The following HTRA3 variants were observed in gnomAD, a reference collection of about 807,000 sequenced individuals.
The protein encoded by HTRA3 is HtrA serine peptidase 3.
Under a neutral mutation model 43.2 loss-of-function variants are expected in HTRA3, and 41 were observed. The ratio of observed to expected loss-of-function variants is 0.95; its 90% CI spans 0.74 to 1.23. HTRA3 has a LOEUF of 1.23. HTRA3 is among the 50% of genes most tolerant of loss of function. HTRA3 has a pLI of 0.00. For synonymous variants in HTRA3, 295 were observed against 287.9 expected, an observed-to-expected ratio of 1.02 and a Z score of -0.25; for missense variants, 628 against 647.1, an observed-to-expected ratio of 0.97 and a Z score of 0.32.
Position 8,295,649 on chromosome 4 carries a change from G to A in HTRA3, c.1051+1448G>A. On this transcript the variant is annotated intron_variant, in intron 6 of 8. Transcript: ENST00000307358. The surrounding 1 kb of genome is among the most constrained non-coding windows in gnomAD (Gnocchi z 6.9). Reference sequence around the variant, plus strand: ...CACCTCCTGGCCAACGCCCAGGCCTGACTCAGCAACTCACACTTCCACATT... The same window carrying A: ...CACCTCCTGGCCAACGCCCAGGCCTAACTCAGCAACTCACACTTCCACATT... 1.5e-6 allele frequency: 2 copies of A among 1,371,610 alleles called. No homozygotes were observed. The allele number at this position is 1,371,610 out of a possible 1,614,324, so 85.0% of individuals were successfully genotyped here. A position where few individuals can be genotyped will look rare whatever the true frequency, so the allele number is the denominator to read the frequency against.
intron 1 of HTRA3, among the ~76,000 whole-genome samples, chr4:8,271,960 C>T (rs1028396334): frequency 2.0e-5 from 3 of 152,234 alleles, no homozygotes; most frequent in African/African-American, 2.4e-5. Context: ...TGTGGGGCTG[C>T]GGGGTCTTGG....
rs202091323 is a variant in HTRA3 at position 8,288,878 on chromosome 4, TTTCC to T, written c.708+2108_708+2111del. ...GAGCCACTGCACCCCACCCCCAAAT[TTTCC>T]TTCCTTCCTTCCGTCCGTCCTTCCT... On this transcript the variant is annotated intron_variant, in intron 3 of 8. Transcript: ENST00000307358. Among the ~76,000 whole-genome samples the T allele has an allele frequency of 1.4e-4, 16 of 118,076 alleles. 1 individual carries two copies. Among genetic ancestry groups the T allele is most frequent in the Admixed American group, 8.9e-4 (10 of 11,204 alleles). 77.5% of individuals were successfully genotyped at this position (118,076 alleles called of 152,430 possible).
At chr4:8,272,588 C>T (rs1712331682) in intron 1 of HTRA3, among the ~76,000 whole-genome samples, 1 of 152,230 alleles carries the variant, frequency 6.6e-6, no homozygotes, top group Non-Finnish European at 1.5e-5. Flanking sequence ...ACCCCCAGAC[C>T]ACGTTGTTTC....
chr4:8,282,488 T>A lies in HTRA3; in HGVS notation c.437T>A (p.Val146Glu). 1.2e-6 allele frequency: 2 copies of A among 1,614,128 alleles called. No individual in the cohort carries two copies. Among genetic ancestry groups the A allele is most frequent in the Non-Finnish European group, 1.7e-6 (2 of 1,180,002 alleles). Reference protein sequence around the residue: ...PRYKFNFIADVVEKIAPAVVH... With the variant: ...PRYKFNFIADEVEKIAPAVVH... The stretch of plus-strand genomic sequence containing the variant: ...TACAAGTTCAACTTCATTGCTGACG[T>A]GGTGGAGAAGATCGCACCAGCCGTG... The change falls in exon 2 of 9, where the codon GTG becomes GAG. Residue 146 changes from valine (V) to glutamate (E), a missense_variant. Coordinates refer to ENST00000307358, the MANE Select transcript of HTRA3 (RefSeq NM_053044.5).
At chr4:8,282,223 C>G (rs1712775442) in intron 1 of HTRA3, among the ~76,000 whole-genome samples, 2 of 152,176 alleles carry the variant, frequency 1.3e-5, no homozygotes, top group African/African-American at 4.8e-5. Context: ...TTTAACCATT[C>G]TCGGGGTGAG....
In HTRA3 at chr4:8,305,871, ATGT is replaced by A. The variant is rs1198750689; in HGVS notation, c.1197-96_1197-94del. On this transcript the variant is annotated intron_variant, in intron 8 of 8. Coordinates refer to ENST00000307358, the MANE Select transcript of HTRA3 (RefSeq NM_053044.5). ...TCCCATCGAGATGACTTTTGTTGAA[ATGT>A]TGTCATTGACCCTGACTGTGCCTCG... The A allele has an allele frequency of 2.2e-5, 29 of 1,318,492 alleles. No homozygotes were observed. The East Asian group carries it at 3.1e-4, about 14-fold the overall frequency. 81.7% of individuals were successfully genotyped at this position (1,318,492 alleles called of 1,614,324 possible).
In HTRA3 at chr4:8,269,869, C is replaced by A; in HGVS notation, c.-100C>A. ...TGTGACCGCGCGTCCGCCCCAGTCC[C>A]ATCCGTAGGCGCCCGGCGCCCGGCC... is the stretch of plus-strand genomic sequence containing the variant. On this transcript the variant is annotated 5_prime_UTR_variant, in exon 1 of 9. Transcript: ENST00000307358. The A allele has an allele frequency of 2.0e-6, 1 of 488,338 alleles. No homozygotes were observed. Among genetic ancestry groups the A allele is most frequent in the South Asian group, 8.4e-5 (1 of 11,900 alleles). 30.3% of individuals were successfully genotyped at this position (488,338 alleles called of 1,614,324 possible). A position where few individuals can be genotyped will look rare whatever the true frequency, so the allele number is the denominator to read the frequency against.
intron 1 of HTRA3, among the ~76,000 whole-genome samples, chr4:8,277,542 C>T (rs1012149799): frequency 2.6e-5 from 4 of 152,188 alleles, no homozygotes; most frequent in Admixed American, 6.5e-5. Flanking sequence ...GTAGGCTCCC[C>T]AGAGGAGGCG....
At chr4:8,294,488 C>T (rs539018943) in intron 6 of HTRA3, among the ~76,000 whole-genome samples, 1 of 151,682 alleles carries the variant, frequency 6.6e-6, no homozygotes, top group African/African-American at 2.4e-5. Context: ...GAGCTCAGCT[C>T]CCACCATCAG....
At position 8,286,535 on chromosome 4, in the gene HTRA3, G is replaced by A; in HGVS notation, c.486-26G>A. 1 of 1,606,176 alleles carries A rather than the reference G, an allele frequency of 6.2e-7. No homozygotes were observed. The highest frequency in any genetic ancestry group is 8.5e-7 in the Non-Finnish European group (1 of 1,174,726). ...CCCGCGTCCTAGCCCCACCCTAAAT[G>A]CCCGCCTGTGTCTCCCTGGCTGCAG... On this transcript the variant is annotated intron_variant, in intron 2 of 8. Transcript: ENST00000307358. This position sits in a 1 kb window ranked among gnomAD's most constrained non-coding sequence, Gnocchi z 4.9.
In HTRA3 at chr4:8,297,818, G is replaced by A. The variant is rs993773019; in HGVS notation, c.1051+3617G>A. The stretch of plus-strand genomic sequence containing the variant: ...GGCCCCTCCTGCTCCAGGCTCAGAC[G>A]CGCAGCTGCTTGTGGGATGGACCCA... On this transcript the variant is annotated intron_variant, in intron 6 of 8. Coordinates refer to ENST00000307358, the MANE Select transcript of HTRA3 (RefSeq NM_053044.5). The surrounding 1 kb of genome is among the most constrained non-coding windows in gnomAD (Gnocchi z 5.8). Among the ~76,000 whole-genome samples the A allele has an allele frequency of 9.2e-5, 14 of 152,038 alleles. No individual in the cohort carries two copies. Among genetic ancestry groups the A allele is most frequent in the African/African-American group, 2.9e-4 (12 of 41,404 alleles).
chr4:8,288,946 C>CTT (rs1250231211), intron 3 of HTRA3, among the ~76,000 whole-genome samples: 44 of 147,792 alleles, frequency 3.0e-4, no homozygotes, highest in African/African-American at 1.0e-3. Context: ...CCCTTCCTCC[C>CTT]CCTCTCTCTC....
At chr4:8,302,725 C>A (rs1316822389) in intron 7 of HTRA3, among the ~76,000 whole-genome samples, 1 of 152,280 alleles carries the variant, frequency 6.6e-6, no homozygotes, top group African/African-American at 2.4e-5. Context: ...AGGACGCTAT[C>A]TCTTTCCATG....
intron 1 of HTRA3, among the ~76,000 whole-genome samples, chr4:8,272,646 C>T (rs540605669): frequency 6.6e-6 from 1 of 152,230 alleles, no homozygotes; most frequent in African/African-American, 2.4e-5. Flanking sequence ...TCTCACCCAG[C>T]AAGGTCAGGA....
chr4:8,283,250 C>T (rs1341635670), intron 2 of HTRA3, among the ~76,000 whole-genome samples: 4 of 152,154 alleles, frequency 2.6e-5, no homozygotes, highest in Admixed American at 6.5e-5. Flanking sequence ...AATAGGGAAG[C>T]GGGATGTCCC....
intron 3 of HTRA3, among the ~76,000 whole-genome samples, chr4:8,288,579 T>C (rs1257414390): frequency 6.7e-6 from 1 of 148,344 alleles, no homozygotes; most frequent in East Asian, 2.0e-4. Flanking sequence ...CTAGCCTTTT[T>C]TTTTTTTTTT....
At chr4:8,280,728 C>T (rs532661779) in intron 1 of HTRA3, among the ~76,000 whole-genome samples, 13 of 133,134 alleles carry the variant, frequency 9.8e-5, no homozygotes, top group African/African-American at 2.2e-4. Context: ...TGAGGAGCCT[C>T]GCGGTGGCCG....
chr4:8,270,389 CT>C, intron 1 of HTRA3, 36 bp downstream of exon 1: 1 of 1,373,876 alleles, frequency 7.3e-7, no homozygotes, highest in Non-Finnish European at 9.3e-7. Flanking sequence ...AGTGAAGCTT[CT>C]TTCTCTTGGG....
Position 8,303,406 on chromosome 4 carries a change from T to A in HTRA3, c.1101-778T>A, listed in dbSNP as rs570002846. Reference sequence around the variant, plus strand: ...CAGGTGCCTGGAAATGCTGAATGAGTGCAAGAAAGAAGGGGCTGGGGGAGA... The same window carrying A: ...CAGGTGCCTGGAAATGCTGAATGAGAGCAAGAAAGAAGGGGCTGGGGGAGA... On this transcript the variant is annotated intron_variant, in intron 7 of 8. Coordinates refer to ENST00000307358, the MANE Select transcript of HTRA3 (RefSeq NM_053044.5). Among the ~76,000 whole-genome samples the A allele has an allele frequency of 3.9e-5, 6 of 152,130 alleles. No individual in the cohort carries two copies. In the South Asian group the frequency reaches 1.2e-3, roughly 32 times the overall value.
Sources: allele counts gnomAD v4.1 joint callset (sites outside exome capture counted in the v4.1 genomes callset), GRCh38; gene constraint gnomAD v4.1.1; non-coding constraint Gnocchi (gnomAD v3.1); transcripts MANE v1.5; gene names NCBI Gene and HGNC (gene_info 2026-07-23, HGNC 2026-07-21).